The following RBFOX1 variants were observed in gnomAD, a reference collection of about 807,000 sequenced individuals.
RBFOX1 encodes RNA binding fox-1 homolog 1, also known as RNA binding protein fox-1 homolog 1.
RBFOX1 carries 8 observed loss-of-function variants against 57.7 expected under a neutral mutation model. The observed-to-expected ratio is 0.14, with a 90% CI of 0.08 to 0.25. RBFOX1 has a LOEUF of 0.25. Among genes scored for constraint, RBFOX1 ranks in the 10% least tolerant of loss-of-function variants. The pLI is 1.00. For synonymous variants in RBFOX1, 326 were observed against 222.4 expected (o/e 1.47, Z -4.15); for missense variants, 611 against 548.5 (o/e 1.11, Z -1.14).
At chr16:6,279,503 A>G (rs1249851699) in intron 1 of RBFOX1, among the ~76,000 whole-genome samples, 3 of 152,174 alleles carry the variant, frequency 2.0e-5, no homozygotes, top group Admixed American at 6.5e-5. Context: ...TAAAGATTCC[A>G]TGGAAACTTT....
intron 4 of RBFOX1, among the ~76,000 whole-genome samples, chr16:7,321,136 CTTATAT>C (rs2096539485): frequency 6.7e-6 from 1 of 149,966 alleles, no homozygotes; most frequent in African/African-American, 2.4e-5. Flanking sequence ...TATACTTATA[CTTATAT>C]TGTTTGTTTT....
At chr16:5,757,834 C>G (rs575829332) in intron 3 of RBFOX1, among the ~76,000 whole-genome samples, 2 of 152,164 alleles carry the variant, frequency 1.3e-5, no homozygotes, top group Non-Finnish European at 2.9e-5. Flanking sequence ...TTTCTGGGCT[C>G]ATGCTTCTAC....
chr16:6,424,251 AC>A (rs1347542877), intron 2 of RBFOX1, among the ~76,000 whole-genome samples: 1 of 152,188 alleles, frequency 6.6e-6, no homozygotes, highest in African/African-American at 2.4e-5. Context: ...ACGAAACAAA[AC>A]AAATGAACAA....
At position 6,774,004 on chromosome 16, in the gene RBFOX1, C is replaced by T. The variant is rs2078907018; in HGVS notation, c.-16+119354C>T. ...TCAACTGAACCTGTAATTAGCTCCT[C>T]AGAGACCAGGTAATCACAGTTTGCT... On this transcript the variant is annotated intron_variant, in intron 3 of 15. Transcript: ENST00000550418. 3.0e-6 allele frequency: 3 copies of T among 985,294 alleles called. No homozygotes were observed. In the African/African-American group the frequency reaches 5.2e-5, roughly 17 times the overall value. 61.0% of individuals were successfully genotyped at this position (985,294 alleles called of 1,614,324 possible).
In RBFOX1 at chr16:7,689,638, G is replaced by C. The variant is rs1432314332; in HGVS notation, c.995+12800G>C. 2.3e-4 allele frequency among the ~76,000 whole-genome samples: 35 copies of C among 152,032 alleles called. 1 individual carries two copies. Among genetic ancestry groups the C allele is most frequent in the Admixed American group, 2.2e-3 (34 of 15,244 alleles). ...TCTTCAGGGAAGTTGGAGAAATTTTGGAGTGGAAGAGAGGTAGAATATAGA... is the reference window on the plus strand; with the variant it reads ...TCTTCAGGGAAGTTGGAGAAATTTTCGAGTGGAAGAGAGGTAGAATATAGA... On this transcript the variant is annotated intron_variant, in intron 14 of 15. Transcript: ENST00000550418.
intron 2 of RBFOX1, among the ~76,000 whole-genome samples, chr16:6,620,451 G>C (rs1014206546): frequency 3.9e-5 from 6 of 152,078 alleles, no homozygotes; most frequent in African/African-American, 1.4e-4. Context: ...AGAAACAAGA[G>C]CAAACAAATC....
intron 3 of RBFOX1, among the ~76,000 whole-genome samples, chr16:6,991,036 T>C (rs1010999201): frequency 4.1e-5 from 6 of 147,918 alleles, no homozygotes; most frequent in Non-Finnish European, 7.4e-5. Context: ...GCGTGGTGGC[T>C]CACACCTGTA....
chr16:5,891,106 G>C (rs1437426785), intron 4 of RBFOX1, among the ~76,000 whole-genome samples: 2 of 152,218 alleles, frequency 1.3e-5, no homozygotes, highest in East Asian at 1.9e-4. Context: ...TTAGTAGGCA[G>C]ATAGTAGGCC....
intron 3 of RBFOX1, among the ~76,000 whole-genome samples, chr16:7,042,717 G>A (rs1302612065): frequency 6.6e-6 from 1 of 152,174 alleles, no homozygotes; most frequent in East Asian, 1.9e-4. Context: ...TTTGAGGTCA[G>A]GAGTTCAAGA....
At position 6,374,270 on chromosome 16, in the gene RBFOX1, C is replaced by G. The variant is rs142321455; in HGVS notation, c.-64+57213C>G. Among the ~76,000 whole-genome samples, 58 of 152,228 alleles carry G rather than the reference C, an allele frequency of 3.8e-4. 1 individual carries two copies. In the East Asian group the frequency reaches 0.01, roughly 26 times the overall value. On this transcript the variant is annotated intron_variant, in intron 2 of 15. Transcript: ENST00000550418. ...TTCATTGGCTCATGTAATTAGGAGA[C>G]AAACTTTTGCTTTGGAATAAGGGTT... is the stretch of plus-strand genomic sequence containing the variant.
chr16:6,363,328 C>G (rs2088957394), intron 2 of RBFOX1, among the ~76,000 whole-genome samples: 1 of 151,958 alleles, frequency 6.6e-6, no homozygotes, highest in South Asian at 2.1e-4. Context: ...AACGAAGGGC[C>G]GAGGGAAAAA....
At chr16:5,328,140 C>A (rs1194237602) in intron 1 of RBFOX1, among the ~76,000 whole-genome samples, 2 of 151,974 alleles carry the variant, frequency 1.3e-5, no homozygotes, top group African/African-American at 4.8e-5. Context: ...GAATTGTGTC[C>A]CTGCAAATTC....
intron 9 of RBFOX1, among the ~76,000 whole-genome samples, chr16:7,606,580 T>A (rs543570266): frequency 1.6e-4 from 24 of 152,294 alleles, no homozygotes; most frequent in South Asian, 1.0e-3. Context: ...TCTTTTTTTG[T>A]GAGTAAAGAT....
intron 3 of RBFOX1, among the ~76,000 whole-genome samples, chr16:5,702,106 T>A (rs2051070397): frequency 6.6e-6 from 1 of 152,156 alleles, no homozygotes; most frequent in African/African-American, 2.4e-5. Context: ...TCTTCTGTAT[T>A]TATCCCATTC....
At chr16:6,375,975 C>T (rs1411869921) in intron 2 of RBFOX1, among the ~76,000 whole-genome samples, 1 of 152,160 alleles carries the variant, frequency 6.6e-6, no homozygotes, top group Non-Finnish European at 1.5e-5. Context: ...ACCCTGCTGC[C>T]TCCAGCTCCC....
intron 3 of RBFOX1, among the ~76,000 whole-genome samples, chr16:6,893,633 C>T (rs367756483): frequency 6.6e-6 from 1 of 152,108 alleles, no homozygotes; most frequent in African/African-American, 2.4e-5. Context: ...GAACAAAAGC[C>T]CTGTTCCTCC....
At chr16:6,581,400 G>C (rs2097535498) in intron 2 of RBFOX1, among the ~76,000 whole-genome samples, 1 of 152,100 alleles carries the variant, frequency 6.6e-6, no homozygotes, top group Admixed American at 6.6e-5. Context: ...TTATTTTGTT[G>C]GTTTCACTGT....
chr16:7,036,727 A>G (rs892487670), intron 3 of RBFOX1, among the ~76,000 whole-genome samples: 2 of 113,144 alleles, frequency 1.8e-5, no homozygotes, highest in East Asian at 2.5e-4. Flanking sequence ...AACAAAAAAC[A>G]AACAAAGAAA....
At chr16:7,249,738 T>G (rs1256197665) in intron 4 of RBFOX1, among the ~76,000 whole-genome samples, 3 of 152,160 alleles carry the variant, frequency 2.0e-5, no homozygotes, top group African/African-American at 7.2e-5. Flanking sequence ...CTATCTCTGA[T>G]TTTCCACCAT....
Sources: allele counts gnomAD v4.1 joint callset (sites outside exome capture counted in the v4.1 genomes callset), GRCh38; gene constraint gnomAD v4.1.1; transcripts MANE v1.5; gene names NCBI Gene and HGNC (gene_info 2026-07-23, HGNC 2026-07-21).